Variants in SAMMSON observed in about 807,000 individuals in gnomAD.
SAMMSON encodes survival associated mitochondrial melanoma specific oncogenic non-coding RNA.
chr3:70,227,048 T>C (rs765479848), intron 4 of SAMMSON, among the ~76,000 whole-genome samples: 1 of 152,166 alleles, frequency 6.6e-6, no homozygotes, highest in East Asian at 1.9e-4. Context: ...AAATATACCA[T>C]ATGCAGACAT....
chr3:70,296,390 C>A (rs531377826), intron 7 of SAMMSON, among the ~76,000 whole-genome samples: 1 of 152,160 alleles, frequency 6.6e-6, no homozygotes, highest in Admixed American at 6.5e-5. Context: ...CCAGAGCCTA[C>A]CAGAAAATGG....
chr3:70,375,025 G>A (rs999600315), intron 9 of SAMMSON, among the ~76,000 whole-genome samples: 15 of 152,166 alleles, frequency 9.9e-5, no homozygotes, highest in East Asian at 3.9e-4. Flanking sequence ...CACAGGGCCC[G>A]TATGTTATAT....
At chr3:70,102,526 C>A (rs1172537230) in intron 4 of SAMMSON, among the ~76,000 whole-genome samples, 1 of 152,192 alleles carries the variant, frequency 6.6e-6, no homozygotes, top group Non-Finnish European at 1.5e-5. Context: ...CTCTAGTCTC[C>A]AGTTCAGGCC....
At chr3:70,168,907 C>G (rs1266253240) in intron 4 of SAMMSON, among the ~76,000 whole-genome samples, 2 of 151,926 alleles carry the variant, frequency 1.3e-5, no homozygotes, top group Admixed American at 1.3e-4. Context: ...TTCAAATTCT[C>G]CTGCTGTTTT....
chr3:70,393,257 A>G (rs1263026113), downstream of SAMMSON, among the ~76,000 whole-genome samples: 1 of 152,178 alleles, frequency 6.6e-6, no homozygotes, highest in Non-Finnish European at 1.5e-5. Flanking sequence ...ACAAAACTCA[A>G]CTTGCAATGT....
At chr3:70,150,455 G>A (rs1324364748) in intron 4 of SAMMSON, among the ~76,000 whole-genome samples, 4 of 151,848 alleles carry the variant, frequency 2.6e-5, no homozygotes, top group Admixed American at 2.0e-4. Flanking sequence ...CAAGTATCAC[G>A]TACCCCTTGA....
At chr3:70,021,684 A>G (rs1362996577) in intron 3 of SAMMSON, among the ~76,000 whole-genome samples, 1 of 152,148 alleles carries the variant, frequency 6.6e-6, no homozygotes, top group Non-Finnish European at 1.5e-5. Flanking sequence ...ACAGGGAAAA[A>G]AACCCATCAT....
chr3:70,173,238 A>G (rs1342328285), intron 4 of SAMMSON, among the ~76,000 whole-genome samples: 5 of 151,884 alleles, frequency 3.3e-5, no homozygotes, highest in Non-Finnish European at 7.4e-5. Flanking sequence ...TCCTCAAACC[A>G]TTTATTTTTC....
chr3:70,350,033 A>T (rs1702781941), intron 7 of SAMMSON, among the ~76,000 whole-genome samples: 1 of 152,118 alleles, frequency 6.6e-6, no homozygotes, highest in African/African-American at 2.4e-5. Flanking sequence ...TTCCACTTAA[A>T]CTTCTTCCTT....
intron 6 of SAMMSON, among the ~76,000 whole-genome samples, chr3:70,288,649 C>G (rs1170446442): frequency 1.3e-5 from 2 of 151,760 alleles, no homozygotes; most frequent in East Asian, 2.0e-4. Flanking sequence ...GTCTAATGTT[C>G]ACAGTGGGGT....
intron 6 of SAMMSON, among the ~76,000 whole-genome samples, chr3:70,252,877 C>G (rs913431348): frequency 6.6e-6 from 1 of 151,838 alleles, no homozygotes; most frequent in Non-Finnish European, 1.5e-5. Context: ...GTCAGGAGTT[C>G]GAGACCAGCG....
intron 3 of SAMMSON, among the ~76,000 whole-genome samples, chr3:70,023,879 C>T (rs1205041654): frequency 6.6e-6 from 1 of 152,176 alleles, no homozygotes; most frequent in Non-Finnish European, 1.5e-5. Context: ...GTCTTACAAC[C>T]TACACCATGT....
intron 4 of SAMMSON, among the ~76,000 whole-genome samples, chr3:70,194,687 A>G (rs1217865169): frequency 6.6e-6 from 1 of 152,206 alleles, no homozygotes. Context: ...TCTCTAATTG[A>G]CAAGCATTCA....
chr3:70,278,868 A>C (rs1485026979), intron 6 of SAMMSON, among the ~76,000 whole-genome samples: 1 of 151,988 alleles, frequency 6.6e-6, no homozygotes, highest in Non-Finnish European at 1.5e-5. Context: ...TTGTAAAAAC[A>C]AATGAAATAA....
chr3:70,039,417 T>C (rs1205356598), intron 3 of SAMMSON, among the ~76,000 whole-genome samples: 3 of 152,018 alleles, frequency 2.0e-5, no homozygotes, highest in African/African-American at 4.8e-5. Context: ...AAGACTTGAC[T>C]AGAACAAAAA....
intron 4 of SAMMSON, among the ~76,000 whole-genome samples, chr3:70,238,347 C>G (rs1472472533): frequency 6.6e-6 from 1 of 151,982 alleles, no homozygotes; most frequent in Non-Finnish European, 1.5e-5. Context: ...GTGGCTCACA[C>G]CTGTAACTCC....
intron 9 of SAMMSON, among the ~76,000 whole-genome samples, chr3:70,372,577 G>T (rs1702979640): frequency 6.6e-6 from 1 of 152,116 alleles, no homozygotes; most frequent in Non-Finnish European, 1.5e-5. Flanking sequence ...TGGGATTACA[G>T]GTATGAGCCA....
At chr3:70,033,330 A>G (rs1488355684) in intron 3 of SAMMSON, among the ~76,000 whole-genome samples, 1 of 152,108 alleles carries the variant, frequency 6.6e-6, no homozygotes, top group African/African-American at 2.4e-5. Context: ...TGAGAATCCA[A>G]ACTAAGAGAG....
intron 4 of SAMMSON, among the ~76,000 whole-genome samples, chr3:70,132,785 GA>G (rs897130728): frequency 1.6e-5 from 1 of 62,494 alleles, no homozygotes; most frequent in African/African-American, 7.0e-5. Context: ...AAAAAAAAAA[GA>G]AAAGAAAAAA....
Sources: gnomAD v4.1 joint callset for allele counts (sites outside exome capture counted in the v4.1 genomes callset) on GRCh38, gnomAD v4.1.1 for gene constraint, MANE v1.5 for transcripts, NCBI Gene and HGNC (gene_info 2026-07-23, HGNC 2026-07-21) for gene names.